The following SLCO2A1 variants were observed in gnomAD, a reference collection of about 807,000 sequenced individuals.
The protein encoded by SLCO2A1 is solute carrier organic anion transporter family member 2A1.
In SLCO2A1, 60 loss-of-function variants were observed where a neutral mutation model predicts 71.7. That is an observed-to-expected ratio of 0.84 (90% CI 0.68 to 1.04). The LOEUF (loss-of-function observed/expected upper bound fraction) is 1.04, where lower values mean the gene tolerates loss of function less well. Ranked by LOEUF, SLCO2A1 falls within the 50% of genes least tolerant of loss-of-function variation. The probability of loss-of-function intolerance (pLI) is 0.00; values close to 1 mark genes in which losing one functional copy is unlikely to be tolerated. For synonymous variants in SLCO2A1, 308 were observed against 326.7 expected, an observed-to-expected ratio of 0.94 and a Z score of 0.62; for missense variants, 745 against 813.4, an observed-to-expected ratio of 0.92 and a Z score of 1.02.
intron 1 of SLCO2A1, among the ~76,000 whole-genome samples, chr3:133,997,771 G>T (rs71331740): frequency 2.0e-5 from 3 of 152,228 alleles, no homozygotes; most frequent in Non-Finnish European, 4.4e-5. Flanking sequence ...CCGGGCCAGA[G>T]GTTTGGCCTG....
intron 1 of SLCO2A1, among the ~76,000 whole-genome samples, chr3:134,012,319 A>C (rs1362473103): frequency 1.3e-5 from 2 of 152,144 alleles, no homozygotes; most frequent in African/African-American, 4.8e-5. Flanking sequence ...TGCTAGCTTC[A>C]AGCTTCACTC....
At chr3:133,935,401 T>C (rs1933243078) in intron 13 of SLCO2A1, among the ~76,000 whole-genome samples, 1 of 152,124 alleles carries the variant, frequency 6.6e-6, no homozygotes, top group Non-Finnish European at 1.5e-5. Flanking sequence ...GTGGCCCCCC[T>C]CTGTCTCTGA....
chr3:134,012,045 C>T (rs895006425), intron 1 of SLCO2A1, among the ~76,000 whole-genome samples: 55 of 152,142 alleles, frequency 3.6e-4, no homozygotes, highest in Admixed American at 3.5e-3. Flanking sequence ...GAGACACTCA[C>T]ATGAGTGGTG....
intron 9 of SLCO2A1, among the ~76,000 whole-genome samples, chr3:133,946,903 TCA>T (rs757397334): frequency 8.7e-4 from 132 of 152,116 alleles, no homozygotes; most frequent in Non-Finnish European, 1.5e-3. Flanking sequence ...TCACTTGAGG[TCA>T]GGAGTTTATG....
intron 3 of SLCO2A1, among the ~76,000 whole-genome samples, chr3:133,969,328 G>T (rs1934270481): frequency 6.6e-6 from 1 of 152,166 alleles, no homozygotes. Context: ...TACTCGGGAG[G>T]ATGAGGCAGG....
At chr3:134,022,961 TAA>T (rs1935620123) in intron 1 of SLCO2A1, among the ~76,000 whole-genome samples, 1 of 152,174 alleles carries the variant, frequency 6.6e-6, no homozygotes, top group Non-Finnish European at 1.5e-5. Flanking sequence ...TCTCAAAAAC[TAA>T]GTCTTTTAGC....
chr3:133,958,491 G>T (rs1576434351), intron 3 of SLCO2A1, among the ~76,000 whole-genome samples: 1 of 152,198 alleles, frequency 6.6e-6, no homozygotes, highest in Non-Finnish European at 1.5e-5. Context: ...TGGAGGGAGT[G>T]AGGGACAGGT....
chr3:133,970,513 C>T (rs1457443524), intron 3 of SLCO2A1, among the ~76,000 whole-genome samples: 1 of 152,248 alleles, frequency 6.6e-6, no homozygotes, highest in Non-Finnish European at 1.5e-5. Flanking sequence ...TTAAGCTATT[C>T]CCATGAAGTA....
chr3:133,979,059 GACTATGT>G (rs1160416717), intron 2 of SLCO2A1, among the ~76,000 whole-genome samples: 1 of 152,174 alleles, frequency 6.6e-6, no homozygotes, highest in Non-Finnish European at 1.5e-5. Context: ...ATCCTCTCTA[GACTATGT>G]ATGGGGCAGG....
chr3:133,938,082 G>A (rs994802654), intron 12 of SLCO2A1, among the ~76,000 whole-genome samples: 6 of 152,206 alleles, frequency 3.9e-5, no homozygotes, highest in African/African-American at 1.4e-4. Flanking sequence ...CTCAGCCGCT[G>A]CTCTGGCTTG....
chr3:134,002,902 A>C (rs1935133100), intron 1 of SLCO2A1, among the ~76,000 whole-genome samples: 1 of 152,166 alleles, frequency 6.6e-6, no homozygotes, highest in Non-Finnish European at 1.5e-5. Flanking sequence ...CTAAAAAAAA[A>C]AGTCTTTCTC....
At chr3:134,013,442 C>A (rs1312353963) in intron 1 of SLCO2A1, among the ~76,000 whole-genome samples, 1 of 152,222 alleles carries the variant, frequency 6.6e-6, no homozygotes, top group Non-Finnish European at 1.5e-5. Flanking sequence ...CACTGCTGTC[C>A]CTTTGCCCCC....
At chr3:133,943,572 G>C (rs185413665) in intron 10 of SLCO2A1, among the ~76,000 whole-genome samples, 5 of 152,100 alleles carry the variant, frequency 3.3e-5, no homozygotes, top group Non-Finnish European at 7.4e-5. Flanking sequence ...TCCTCAGTCT[G>C]GATTTTTTAG....
At chr3:134,024,054 C>T (rs1423462922) in intron 1 of SLCO2A1, among the ~76,000 whole-genome samples, 1 of 152,222 alleles carries the variant, frequency 6.6e-6, no homozygotes, top group Non-Finnish European at 1.5e-5. Flanking sequence ...TGAAAGGATG[C>T]AGTTAGCTTA....
chr3:134,013,643 T>G (rs181474552), intron 1 of SLCO2A1, among the ~76,000 whole-genome samples: 22 of 152,322 alleles, frequency 1.4e-4, no homozygotes, highest in African/African-American at 5.3e-4. Flanking sequence ...ATGTGAGGTC[T>G]GCCTGTGTTG....
At chr3:133,999,270 T>G (rs886831713) in intron 1 of SLCO2A1, among the ~76,000 whole-genome samples, 1 of 152,236 alleles carries the variant, frequency 6.6e-6, no homozygotes, top group African/African-American at 2.4e-5. Flanking sequence ...CTGTGATGAC[T>G]GAAATGGTGC....
At chr3:133,969,151 G>A (rs761016114) in intron 3 of SLCO2A1, among the ~76,000 whole-genome samples, 8 of 152,234 alleles carry the variant, frequency 5.3e-5, no homozygotes, top group Admixed American at 5.2e-4. Context: ...TGCTGAGCAG[G>A]TCAGGCGCAG....
intron 3 of SLCO2A1, among the ~76,000 whole-genome samples, chr3:133,963,367 C>T (rs58091304): frequency 0.23 from 34,643 of 152,168 alleles, 4,158 homozygotes; most frequent in East Asian, 0.33. Context: ...TGAGGCCAGC[C>T]TTCCAGCTGT....
At chr3:133,954,281 G>A (rs962569669) in intron 4 of SLCO2A1, among the ~76,000 whole-genome samples, 3 of 149,524 alleles carry the variant, frequency 2.0e-5, no homozygotes, top group Non-Finnish European at 3.0e-5. Flanking sequence ...TCCTGCCTCA[G>A]CATCCCAAGT....
Sources: allele counts gnomAD v4.1 joint callset (sites outside exome capture counted in the v4.1 genomes callset), GRCh38; gene constraint gnomAD v4.1.1; transcripts MANE v1.5; gene names NCBI Gene and HGNC (gene_info 2026-07-23, HGNC 2026-07-21).